The following VRK2 variants were observed in gnomAD, a reference collection of about 807,000 sequenced individuals.
VRK2 encodes the protein VRK serine/threonine kinase 2.
Under a neutral mutation model 57.6 loss-of-function variants are expected in VRK2, and 60 were observed. That is an observed-to-expected ratio of 1.04 (90% confidence interval 0.85 to 1.29). The LOEUF (loss-of-function observed/expected upper bound fraction) is 1.29. Among genes scored for constraint, VRK2 ranks in the 50% most tolerant of loss-of-function variants. The pLI is 0.00. For missense variants in VRK2, 705 were observed against 588.1 expected, an observed-to-expected ratio of 1.20 and a Z score of -2.06; for synonymous variants, 231 against 199.2, an observed-to-expected ratio of 1.16 and a Z score of -1.35.
chr2:58,014,365 A>C (rs1009184207), intron 1 of VRK2, among the ~76,000 whole-genome samples: 1 of 152,222 alleles, frequency 6.6e-6, no homozygotes, highest in Non-Finnish European at 1.5e-5. Flanking sequence ...CTAATTTCTT[A>C]TTATGAGAGC....
In VRK2 at chr2:58,151,731, G is replaced by GTT. The variant is rs60379025; in HGVS notation, c.1182+5292_1182+5293dup. The stretch of plus-strand genomic sequence containing the variant: ...TTTTTTTAACTATGCTTCTATGCTT[G>GTT]TTTTTTTTTTTTTTTTTTTTTTTTT... On this transcript the variant is annotated intron_variant, in intron 12 of 12. Coordinates refer to ENST00000340157, the MANE Select transcript of VRK2 (RefSeq NM_006296.7). 3.6e-4 allele frequency among the ~76,000 whole-genome samples: 6 copies of GTT among 16,722 alleles called. 3 individuals are homozygous for GTT. The highest frequency in any genetic ancestry group is 6.0e-4 in the Non-Finnish European group (4 of 6,626). 11.0% of individuals were successfully genotyped at this position (16,722 alleles called of 152,430 possible).
At chr2:58,089,857 C>T (rs1319286715) in intron 7 of VRK2, 134 bp downstream of exon 7, 1 of 614,378 alleles carries the variant, frequency 1.6e-6, no homozygotes. Context: ...ATCTTACCTG[C>T]TTATCTAATT....
chr2:58,087,713 G>C (rs754534833), intron 5 of VRK2, among the ~76,000 whole-genome samples: 5 of 152,178 alleles, frequency 3.3e-5, no homozygotes, highest in African/African-American at 4.8e-5. Context: ...ATGTGGCTGG[G>C]CACGGTGGCT....
rs535368870 is a variant in VRK2, at chr2:58,091,336, C to T, written c.543+1613C>T. On this transcript the variant is annotated intron_variant, in intron 7 of 12. Transcript: ENST00000340157. ...GTATATGGGAACTCACTGTATTTTCCACTCAGTTTTACCTACATTGCTCTA... is the reference window on the plus strand; with the variant it reads ...GTATATGGGAACTCACTGTATTTTCTACTCAGTTTTACCTACATTGCTCTA... Among the ~76,000 whole-genome samples, 25 of 152,210 alleles carry T rather than the reference C, an allele frequency of 1.6e-4. 1 individual carries two copies. The highest frequency in any genetic ancestry group is 9.2e-4 in the Admixed American group (14 of 15,292).
intron 10 of VRK2, among the ~76,000 whole-genome samples, chr2:58,138,711 A>G (rs1680896344): frequency 6.6e-6 from 1 of 152,198 alleles, no homozygotes; most frequent in South Asian, 2.1e-4. Context: ...CCATGGATAT[A>G]AGCAACTAAG....
At chr2:57,944,272 T>C (rs1039119196) in intron 1 of VRK2, among the ~76,000 whole-genome samples, 1 of 152,200 alleles carries the variant, frequency 6.6e-6, no homozygotes, top group Non-Finnish European at 1.5e-5. Flanking sequence ...ATATCCCTTA[T>C]TCCAATTGTT....
At chr2:58,014,848 T>A (rs1673526855) in intron 1 of VRK2, among the ~76,000 whole-genome samples, 1 of 141,432 alleles carries the variant, frequency 7.1e-6, no homozygotes, top group Non-Finnish European at 1.6e-5. Context: ...GGTGTAGATC[T>A]GCAGTAGCCA....
rs1313504072 is a variant in VRK2, at chr2:58,020,760, T to C, written c.-438-4905T>C. 4.6e-5 allele frequency among the ~76,000 whole-genome samples: 7 copies of C among 152,204 alleles called. No homozygotes were observed. In the South Asian group the frequency reaches 1.4e-3, roughly 31 times the overall value. On this transcript the variant is annotated intron_variant, in intron 1 of 15. Transcript: ENST00000417641. Reference sequence around the variant, plus strand: ...CATTTTTTAAAGTGCACATATTATCTTTTTCTAAAATAATAAAGTAAAATC... The same window carrying C: ...CATTTTTTAAAGTGCACATATTATCCTTTTCTAAAATAATAAAGTAAAATC...
intron 1 of VRK2, among the ~76,000 whole-genome samples, chr2:58,011,061 T>A (rs1268427282): frequency 6.6e-6 from 1 of 152,164 alleles, no homozygotes; most frequent in Non-Finnish European, 1.5e-5. Flanking sequence ...TCAGGTGCAT[T>A]GTTTTTAGAA....
chr2:58,118,206 GT>G (rs1159536480), intron 7 of VRK2, among the ~76,000 whole-genome samples: 1 of 152,178 alleles, frequency 6.6e-6, no homozygotes, highest in African/African-American at 2.4e-5. Flanking sequence ...GAGAGAAGGG[GT>G]TGGGGTACTT....
At chr2:58,128,774 G>A (rs1678744081) in intron 8 of VRK2, among the ~76,000 whole-genome samples, 1 of 152,094 alleles carries the variant, frequency 6.6e-6, no homozygotes, top group African/African-American at 2.4e-5. Context: ...TGTCAATAGG[G>A]CTAATACTTA....
At chr2:58,069,658 T>TGTC (rs1669116219) in intron 2 of VRK2, among the ~76,000 whole-genome samples, 1 of 152,142 alleles carries the variant, frequency 6.6e-6, no homozygotes, top group African/African-American at 2.4e-5. Context: ...GATCTCTGTG[T>TGTC]GTCCCTGCTG....
intron 1 of VRK2, among the ~76,000 whole-genome samples, chr2:57,993,722 T>C (rs1001321317): frequency 2.0e-5 from 3 of 152,228 alleles, no homozygotes; most frequent in African/African-American, 7.2e-5. Context: ...TGAACCTCTC[T>C]CTGGGGATGC....
At chr2:57,980,449 G>T (rs1004504965) in intron 1 of VRK2, among the ~76,000 whole-genome samples, 1 of 152,064 alleles carries the variant, frequency 6.6e-6, no homozygotes, top group Non-Finnish European at 1.5e-5. Context: ...TTGCTTTATA[G>T]CAGAGCATGT....
chr2:58,025,654 T>C (rs1398019233), intron 1 of VRK2: 1 of 152,200 alleles, frequency 6.6e-6, no homozygotes, highest in Non-Finnish European at 1.5e-5. Context: ...TGGCCTGAAC[T>C]TATTTTTCAG....
intron 1 of VRK2, among the ~76,000 whole-genome samples, chr2:57,915,842 C>T (rs1484345095): frequency 1.3e-5 from 2 of 152,258 alleles, no homozygotes; most frequent in East Asian, 3.9e-4. Context: ...GCTCCGCCTC[C>T]AGTCAGCCCA....
Position 58,116,777 on chromosome 2 carries a change from G to A in VRK2, c.544-6324G>A, listed in dbSNP as rs549586283. On this transcript the variant is annotated intron_variant, in intron 7 of 12. Transcript: ENST00000340157. ...GGCTGCCAGGTGAGTTGAACAGTCCGATTTCCCATGGGGTCCCGCACAGAT... is the reference window on the plus strand; with the variant it reads ...GGCTGCCAGGTGAGTTGAACAGTCCAATTTCCCATGGGGTCCCGCACAGAT... Among the ~76,000 whole-genome samples, 23 of 152,298 alleles carry A rather than the reference G, an allele frequency of 1.5e-4. No homozygotes were observed. The East Asian group carries it at 3.9e-3, about 26-fold the overall frequency.
At chr2:58,158,247 TTTAG>T (rs576589768) in intron 12 of VRK2, among the ~76,000 whole-genome samples, 177 of 152,364 alleles carry the variant, frequency 1.2e-3, no homozygotes, top group African/African-American at 4.0e-3. Flanking sequence ...TTATTTTGAC[TTTAG>T]TTAATAAAGC....
chr2:58,107,167 A>G (rs1674881087), intron 7 of VRK2, among the ~76,000 whole-genome samples: 1 of 152,162 alleles, frequency 6.6e-6, no homozygotes, highest in Non-Finnish European at 1.5e-5. Flanking sequence ...TCTTGTGGAA[A>G]GATAGGAAAA....
Sources: gnomAD v4.1 joint callset for allele counts (sites outside exome capture counted in the v4.1 genomes callset) on GRCh38, gnomAD v4.1.1 for gene constraint, MANE v1.5 for transcripts, NCBI Gene and HGNC (gene_info 2026-07-23, HGNC 2026-07-21) for gene names.